BBS7: variants seen among roughly 807,000 people sequenced by gnomAD.
The protein encoded by BBS7 is BBSome complex member BBS7.
BBS7 carries 50 observed loss-of-function variants against 90.3 expected under a neutral mutation model. The observed-to-expected ratio is 0.55, with a 90% confidence interval of 0.44 to 0.70. The LOEUF (loss-of-function observed/expected upper bound fraction) is 0.70. Ranked by LOEUF, BBS7 falls within the 30% of genes least tolerant of loss-of-function variation. The pLI is 0.00. For synonymous variants in BBS7, 235 were observed against 287.4 expected (o/e 0.82, Z 1.85); for missense variants, 729 against 838.9 (o/e 0.87, Z 1.62).
intron 10 of BBS7, among the ~76,000 whole-genome samples, chr4:121,846,620 T>A (rs1400414461): frequency 6.6e-6 from 1 of 152,226 alleles, no homozygotes; most frequent in Non-Finnish European, 1.5e-5. Context: ...ACTATACTTG[T>A]ATCCTTGTTG....
At position 121,827,348 on chromosome 4, in the gene BBS7, G is replaced by C. The variant is rs556531868; in HGVS notation, c.2014+798C>G. On this transcript the variant is annotated intron_variant, in intron 18 of 18. Coordinates refer to ENST00000264499, the MANE Select transcript of BBS7 (RefSeq NM_176824.3). The stretch of plus-strand genomic sequence containing the variant: ...GCTCTACAGTGACTATGGAAGGCTT[G>C]GCATAGTGTAAAAGGCATGCATTTT... Among the ~76,000 whole-genome samples the C allele has an allele frequency of 3.1e-3, 471 of 152,270 alleles. 2 individuals are homozygous for C. Among genetic ancestry groups the C allele is most frequent in the Non-Finnish European group, 4.4e-3 (298 of 68,022 alleles).
At chr4:121,837,345 TTA>T (rs1725510036) in intron 13 of BBS7, among the ~76,000 whole-genome samples, 1 of 152,180 alleles carries the variant, frequency 6.6e-6, no homozygotes, top group Admixed American at 6.5e-5. Context: ...AGTAGGCTGT[TTA>T]TATGTTATTG....
intron 5 of BBS7, among the ~76,000 whole-genome samples, chr4:121,855,883 T>G (rs1026689467): frequency 7.0e-6 from 1 of 143,786 alleles, no homozygotes; most frequent in Non-Finnish European, 1.5e-5. Context: ...TATGTACATA[T>G]ATGTACATAC....
chr4:121,832,113 C>A (rs1725220487), intron 15 of BBS7, among the ~76,000 whole-genome samples: 1 of 151,762 alleles, frequency 6.6e-6, no homozygotes, highest in South Asian at 2.1e-4. Context: ...GAGGCCAACG[C>A]AGGAGGATTG....
intron 3 of BBS7, 52 bp from the exon 4 acceptor site, chr4:121,861,731 T>C: frequency 6.3e-7 from 1 of 1,584,666 alleles, no homozygotes; most frequent in East Asian, 2.3e-5. Context: ...ATTGTGAGCA[T>C]TTTTTCCTTT....
rs193068185 is a variant in BBS7, at chr4:121,839,226, T to A, written c.1371+405A>T. Among the ~76,000 whole-genome samples the A allele has an allele frequency of 2.5e-3, 375 of 152,206 alleles. 3 individuals are homozygous for A. Among genetic ancestry groups the A allele is most frequent in the African/African-American group, 8.8e-3 (366 of 41,518 alleles). On this transcript the variant is annotated intron_variant, in intron 13 of 18. Coordinates refer to ENST00000264499, the MANE Select transcript of BBS7 (RefSeq NM_176824.3). ...TTTTATAAATGTTTGAAACTTTCTATAATAGAAAATTTGAAAAAAATTTTT... is the reference window on the plus strand; with the variant it reads ...TTTTATAAATGTTTGAAACTTTCTAAAATAGAAAATTTGAAAAAAATTTTT...
intron 7 of BBS7, among the ~76,000 whole-genome samples, chr4:121,853,365 T>C (rs1726426711): frequency 6.6e-6 from 1 of 152,150 alleles, no homozygotes; most frequent in Non-Finnish European, 1.5e-5. Context: ...CACAGACATC[T>C]GCATCTAAAA....
At chr4:121,863,404 A>C in intron 2 of BBS7, 125 bp from the exon 3 acceptor site, 5 of 767,500 alleles carry the variant, frequency 6.5e-6, no homozygotes, top group Non-Finnish European at 1.0e-5. Flanking sequence ...AAATCTAGGA[A>C]AGACACCCCC....
rs1244071022 is a variant in BBS7, at chr4:121,859,181, G to A, written c.342-3C>T. On this transcript the variant is annotated splice_region_variant and splice_polypyrimidine_tract_variant and intron_variant, in intron 4 of 18. Coordinates refer to ENST00000264499, the MANE Select transcript of BBS7 (RefSeq NM_176824.3). ...AGAGGTCTGAGCCAGATATGTGCCT[G>A]AGAACATTAAAATAGTAATTTTTAA... 1 of 1,612,990 alleles carries A rather than the reference G, an allele frequency of 6.2e-7. No individual in the cohort carries two copies. Among genetic ancestry groups the A allele is most frequent in the South Asian group, 1.1e-5 (1 of 91,026 alleles).
At chr4:121,829,540 G>A (rs4304000) in intron 15 of BBS7, among the ~76,000 whole-genome samples, 147,557 of 152,322 alleles carry the variant, frequency 0.97, 71,496 homozygotes, top group Middle Eastern at 1. Context: ...TTACAGGCGT[G>A]AGCCACCACG....
chr4:121,828,631 T>A lies in BBS7; in HGVS notation c.1774A>T (p.Asn592Tyr). 1 of 1,593,006 alleles carries A rather than the reference T, an allele frequency of 6.3e-7. No homozygotes were observed. Among genetic ancestry groups the A allele is most frequent in the Non-Finnish European group, 8.6e-7 (1 of 1,161,124 alleles). The change falls in exon 16 of 19, where the codon AAC becomes TAC. Residue 592 changes from asparagine (N) to tyrosine (Y), a missense_variant. Coordinates refer to ENST00000264499, the MANE Select transcript of BBS7 (RefSeq NM_176824.3). ...TTTGTTTGTTTACCGTATGATATGTTGAGGTTAATTTTCCTTTTTGTAGCT... is the reference window on the plus strand; with the variant it reads ...TTTGTTTGTTTACCGTATGATATGTAGAGGTTAATTTTCCTTTTTGTAGCT... The part of the protein sequence containing the change: ...KEATKRKINL[N>Y]ISYEINEVSV...
intron 9 of BBS7, 34 bp from the exon 10 acceptor site, chr4:121,847,540 G>T: frequency 7.2e-7 from 1 of 1,394,048 alleles, no homozygotes; most frequent in Non-Finnish European, 1.0e-6. Flanking sequence ...GCACCACTTA[G>T]TACTGCTAGT....
chr4:121,847,300 C>T lies in BBS7; in HGVS notation c.1037+104G>A. The T allele has an allele frequency of 4.0e-6, 3 of 755,110 alleles. No individual in the cohort carries two copies. In the South Asian group the frequency reaches 4.8e-5, roughly 12 times the overall value. The allele number at this position is 755,110 out of a possible 1,614,324, so 46.8% of individuals were successfully genotyped here. The stretch of plus-strand genomic sequence containing the variant: ...TAAAAGGTGATAAACTAATTAATTA[C>T]ATAATTCCTTCCAATAAAATATACT... On this transcript the variant is annotated intron_variant, in intron 10 of 18. Coordinates refer to ENST00000264499, the MANE Select transcript of BBS7 (RefSeq NM_176824.3).
chr4:121,832,515 G>A (rs1725249082), intron 15 of BBS7, among the ~76,000 whole-genome samples: 1 of 152,136 alleles, frequency 6.6e-6, no homozygotes, highest in Non-Finnish European at 1.5e-5. Context: ...AAAAAGGAAG[G>A]AAAAGTTTAG....
At chr4:121,839,763 A>G (rs891267865) in intron 12 of BBS7, 67 bp from the exon 13 acceptor site, 1 of 1,330,782 alleles carries the variant, frequency 7.5e-7, no homozygotes, top group Non-Finnish European at 1.1e-6. Context: ...AAAGACATCA[A>G]TAATAATAAT....
chr4:121,860,068 T>G (rs748039008), intron 4 of BBS7, among the ~76,000 whole-genome samples: 2 of 152,124 alleles, frequency 1.3e-5, no homozygotes, highest in Non-Finnish European at 2.9e-5. Flanking sequence ...AAAATTATTC[T>G]CTGAAGAGCT....
intron 11 of BBS7, among the ~76,000 whole-genome samples, chr4:121,844,835 T>TA (rs997845911): frequency 1.9e-4 from 28 of 151,042 alleles, no homozygotes; most frequent in Non-Finnish European, 3.7e-4. Context: ...TTTGGGGCTT[T>TA]AAAAAAAAAT....
At chr4:121,845,102 T>C (rs572360088) in intron 11 of BBS7, among the ~76,000 whole-genome samples, 3 of 152,228 alleles carry the variant, frequency 2.0e-5, no homozygotes, top group African/African-American at 7.2e-5. Flanking sequence ...GGTGGGGTGG[T>C]TCACGCTTGC....
chr4:121,827,151 A>G (rs892849193), intron 18 of BBS7, among the ~76,000 whole-genome samples: 1 of 152,260 alleles, frequency 6.6e-6, no homozygotes, highest in Non-Finnish European at 1.5e-5. Flanking sequence ...CAGTGATATT[A>G]TGTACAGCCA....
Sources: gnomAD v4.1 joint callset for allele counts (sites outside exome capture counted in the v4.1 genomes callset) on GRCh38, gnomAD v4.1.1 for gene constraint, MANE v1.5 for transcripts, NCBI Gene and HGNC (gene_info 2026-07-23, HGNC 2026-07-21) for gene names.